GRM4: variants seen among roughly 807,000 people sequenced by gnomAD.
GRM4 encodes metabotropic glutamate receptor 4.
In GRM4, 28 loss-of-function variants were observed where a neutral mutation model predicts 81.7. The ratio of observed to expected loss-of-function variants is 0.34; its 90% CI spans 0.25 to 0.47. GRM4 has a LOEUF of 0.47. Among genes scored for constraint, GRM4 ranks in the 20% least tolerant of loss-of-function variants. GRM4 has a pLI of 1.00. For missense variants in GRM4, 948 were observed against 1,290.0 expected (o/e 0.73, Z 4.06); for synonymous variants, 488 against 528.8 (o/e 0.92, Z 1.06).
chr6:34,132,143 T>C (rs901330330), intron 2 of GRM4, among the ~76,000 whole-genome samples: 1 of 152,098 alleles, frequency 6.6e-6, no homozygotes, highest in African/African-American at 2.4e-5. Flanking sequence ...CAGCAGCTCT[T>C]GCCCCAGGAA....
chr6:34,153,595 A>G (rs1338260217), intron 1 of GRM4, among the ~76,000 whole-genome samples: 1 of 152,244 alleles, frequency 6.6e-6, no homozygotes, highest in Non-Finnish European at 1.5e-5. Flanking sequence ...GCACAAAAGT[A>G]GAAGCCAGGA....
At position 34,115,531 on chromosome 6, in the gene GRM4, G is replaced by A. The variant is rs1769559663; in HGVS notation, c.519+17447C>T. Reference sequence around the variant, plus strand: ...CTCCCAGCCACAAGGTCCTGGTTCAGGACCTTGGACAGCAGCCTCCAGGGG... The same window carrying A: ...CTCCCAGCCACAAGGTCCTGGTTCAAGACCTTGGACAGCAGCCTCCAGGGG... On this transcript the variant is annotated intron_variant, in intron 2 of 10. Transcript: ENST00000538487. This position sits in a 1 kb window ranked among gnomAD's most constrained non-coding sequence, Gnocchi z 4.1. 6.6e-6 allele frequency among the ~76,000 whole-genome samples: 1 copy of A among 152,200 alleles called. No individual in the cohort carries two copies. The highest frequency in any genetic ancestry group is 2.1e-4 in the South Asian group (1 of 4,834).
At chr6:34,131,249 C>A (rs1052994234) in intron 2 of GRM4, among the ~76,000 whole-genome samples, 11 of 152,316 alleles carry the variant, frequency 7.2e-5, no homozygotes, top group African/African-American at 2.4e-4. Flanking sequence ...AGCTGCCTAC[C>A]GCGAGGGCAG....
At chr6:34,086,945 G>A (rs1216426793) in intron 3 of GRM4, among the ~76,000 whole-genome samples, 1 of 152,034 alleles carries the variant, frequency 6.6e-6, no homozygotes, top group Non-Finnish European at 1.5e-5. Context: ...AACATGGTGA[G>A]ACCCCATCCC....
intron 6 of GRM4, among the ~76,000 whole-genome samples, chr6:34,050,807 G>A (rs904720633): frequency 1.3e-5 from 2 of 152,112 alleles, no homozygotes; most frequent in Non-Finnish European, 2.9e-5. Context: ...GCCAGGCCAC[G>A]CCACCATCCA....
At chr6:34,116,989 G>T (rs1376540259) in intron 2 of GRM4, among the ~76,000 whole-genome samples, 5 of 152,188 alleles carry the variant, frequency 3.3e-5, no homozygotes, top group African/African-American at 1.2e-4. Context: ...TAGAAATCAG[G>T]CTATTGATTA....
intron 10 of GRM4, among the ~76,000 whole-genome samples, chr6:34,023,730 T>G (rs1415119563): frequency 5.3e-5 from 8 of 152,054 alleles, no homozygotes; most frequent in African/African-American, 1.7e-4. Flanking sequence ...AGTGTGAGTG[T>G]CCCCCACCCC....
rs1204606363 is a variant in GRM4 at position 34,074,480 on chromosome 6, G to GAGAGT, written c.737-12453_737-12452insACTCT. 7.1e-6 allele frequency among the ~76,000 whole-genome samples: 1 copy of GAGAGT among 140,488 alleles called. No homozygotes were observed. Among genetic ancestry groups the GAGAGT allele is most frequent in the African/African-American group, 3.0e-5 (1 of 33,666 alleles). 92.2% of individuals were successfully genotyped at this position (140,488 alleles called of 152,430 possible). Reference sequence around the variant, plus strand: ...GCTGAGCCCTTCCGCCCCCTACCAGGAGGCTGCTGGGCAGCGCAGGCAGTG... The same window carrying GAGAGT: ...GCTGAGCCCTTCCGCCCCCTACCAGGAGAGTAGGCTGCTGGGCAGCGCAGGCAGTG... On this transcript the variant is annotated intron_variant, in intron 3 of 10. Transcript: ENST00000538487. This position sits in a 1 kb window ranked among gnomAD's most constrained non-coding sequence, Gnocchi z 4.9.
At position 34,022,412 on chromosome 6, in the gene GRM4, C is replaced by A. The variant is rs1763921146; in HGVS notation, c.*409G>T. 1.0e-5 allele frequency: 2 copies of A among 200,054 alleles called. No individual in the cohort carries two copies. Among genetic ancestry groups the A allele is most frequent in the South Asian group, 2.0e-4 (2 of 9,972 alleles). 12.4% of individuals were successfully genotyped at this position (200,054 alleles called of 1,614,324 possible). ...CCAAGAGTACAAGCAGCCGGGGACGCCAGAGAGGGAAAAGGTGAAACAAAG... is the reference window on the plus strand; with the variant it reads ...CCAAGAGTACAAGCAGCCGGGGACGACAGAGAGGGAAAAGGTGAAACAAAG... On this transcript the variant is annotated 3_prime_UTR_variant, in exon 11 of 11. Coordinates refer to ENST00000538487, the MANE Select transcript of GRM4 (RefSeq NM_000841.4). This position sits in a 1 kb window ranked among gnomAD's most constrained non-coding sequence, Gnocchi z 5.6.
At chr6:34,155,043 C>A (rs549920311) in intron 1 of GRM4, 7 of 1,456,698 alleles carry the variant, frequency 4.8e-6, no homozygotes, top group Non-Finnish European at 5.5e-6. Context: ...GTCCCACGCC[C>A]GGGGACACGC....
intron 2 of GRM4, chr6:34,101,916 C>A: frequency 9.5e-7 from 1 of 1,053,236 alleles, no homozygotes; most frequent in Non-Finnish European, 1.4e-6. Flanking sequence ...GATCTCGTGG[C>A]CCCTGGCTTC....
intron 2 of GRM4, among the ~76,000 whole-genome samples, chr6:34,119,893 C>G (rs1282356735): frequency 6.6e-6 from 1 of 152,142 alleles, no homozygotes. Flanking sequence ...CTTCCTACCC[C>G]AGGCCTGCGG....
Position 34,059,140 on chromosome 6 carries a change from T to C in GRM4, c.873-12A>G, listed in dbSNP as rs1170276183. 8 of 1,613,004 alleles carry C rather than the reference T, an allele frequency of 5.0e-6. No individual in the cohort carries two copies. Among genetic ancestry groups the C allele is most frequent in the Non-Finnish European group, 6.8e-6 (8 of 1,179,718 alleles). On this transcript the variant is annotated splice_polypyrimidine_tract_variant and intron_variant, in intron 4 of 10. Coordinates refer to ENST00000538487, the MANE Select transcript of GRM4 (RefSeq NM_000841.4). The surrounding 1 kb of genome is among the most constrained non-coding windows in gnomAD (Gnocchi z 5.7). ...CCTCCAGCACACGCCTGTAGGAACA[T>C]ACACCAGCCCAGCCCAGCCGCGTCT... is the stretch of plus-strand genomic sequence containing the variant.
chr6:34,058,268 C>T (rs1439794420), intron 5 of GRM4, among the ~76,000 whole-genome samples: 2 of 152,120 alleles, frequency 1.3e-5, no homozygotes. Flanking sequence ...CAGGGAGCTC[C>T]CTCTGCCTCA....
chr6:34,131,234 G>T (rs1770221089), intron 2 of GRM4, among the ~76,000 whole-genome samples: 1 of 152,230 alleles, frequency 6.6e-6, no homozygotes. Context: ...CCCGGGGATT[G>T]TTCCAGCTGC....
In GRM4 at chr6:34,130,437, A is replaced by C. The variant is rs1277075044; in HGVS notation, c.519+2541T>G. Among the ~76,000 whole-genome samples, 3 of 152,082 alleles carry C rather than the reference A, an allele frequency of 2.0e-5. No homozygotes were observed. Among genetic ancestry groups the C allele is most frequent in the Admixed American group, 6.5e-5 (1 of 15,276 alleles). On this transcript the variant is annotated intron_variant, in intron 2 of 10. Transcript: ENST00000538487. This position sits in a 1 kb window ranked among gnomAD's most constrained non-coding sequence, Gnocchi z 4.1. Reference sequence around the variant, plus strand: ...CATCCTGTGTTCTGAGGAGGCACAGACCAAACTGAGACCACACCATGCTCC... The same window carrying C: ...CATCCTGTGTTCTGAGGAGGCACAGCCCAAACTGAGACCACACCATGCTCC...
At chr6:34,039,057 G>A (rs73747248) in intron 8 of GRM4, among the ~76,000 whole-genome samples, 4,122 of 152,248 alleles carry the variant, frequency 0.027, 189 homozygotes, top group African/African-American at 0.091. Flanking sequence ...CGGGCACATC[G>A]ACTTGGTGTT....
intron 8 of GRM4, among the ~76,000 whole-genome samples, chr6:34,037,164 G>C (rs2127444016): frequency 6.6e-6 from 1 of 152,360 alleles, no homozygotes; most frequent in Admixed American, 6.5e-5. Flanking sequence ...GCAGGGAGTT[G>C]GATTCAGCAG....
rs1385900538 is a variant in GRM4 at position 34,070,230 on chromosome 6, G to C, written c.737-8202C>G. Among the ~76,000 whole-genome samples the C allele has an allele frequency of 6.6e-6, 1 of 152,120 alleles. No individual in the cohort carries two copies. Among genetic ancestry groups the C allele is most frequent in the African/African-American group, 2.4e-5 (1 of 41,420 alleles). ...CCCATTTGAGCCTGGCATCTACTTT[G>C]CTCTGGTCCACAGTGATACTCTGTG... On this transcript the variant is annotated intron_variant, in intron 3 of 10. Coordinates refer to ENST00000538487, the MANE Select transcript of GRM4 (RefSeq NM_000841.4). This position sits in a 1 kb window ranked among gnomAD's most constrained non-coding sequence, Gnocchi z 4.6.
Sources: allele counts gnomAD v4.1 joint callset (sites outside exome capture counted in the v4.1 genomes callset), GRCh38; gene constraint gnomAD v4.1.1; non-coding constraint Gnocchi (gnomAD v3.1); transcripts MANE v1.5; gene names NCBI Gene and HGNC (gene_info 2026-07-23, HGNC 2026-07-21).